The following MGAT4C variants were observed in gnomAD, a reference collection of about 807,000 sequenced individuals.
MGAT4C encodes the protein alpha-1,3-mannosyl-glycoprotein 4-beta-N-acetylglucosaminyltransferase C.
Under a neutral mutation model 40.1 loss-of-function variants are expected in MGAT4C, and 19 were observed. The observed-to-expected ratio is 0.47, with a 90% confidence interval of 0.33 to 0.70. MGAT4C has a LOEUF of 0.70. MGAT4C is among the 30% of genes least tolerant of loss of function. The probability of loss-of-function intolerance (pLI) is 0.02; values close to 1 mark genes in which losing one functional copy is unlikely to be tolerated. For synonymous variants in MGAT4C, 181 were observed against 187.1 expected (o/e 0.97, Z 0.27); for missense variants, 491 against 563.2 (o/e 0.87, Z 1.30).
chr12:86,555,908 C>G (rs1385228043), intron 2 of MGAT4C, among the ~76,000 whole-genome samples: 1 of 152,118 alleles, frequency 6.6e-6, no homozygotes, highest in African/African-American at 2.4e-5. Context: ...TTCATCACCC[C>G]CATGACCTGG....
At chr12:86,053,135 C>G (rs1893050610) in intron 1 of MGAT4C, among the ~76,000 whole-genome samples, 1 of 151,600 alleles carries the variant, frequency 6.6e-6, no homozygotes, top group South Asian at 2.1e-4. Flanking sequence ...CGTGTTCAAT[C>G]TGACTTTTAA....
intron 2 of MGAT4C, among the ~76,000 whole-genome samples, chr12:86,628,967 G>A (rs1593059634): frequency 6.6e-6 from 1 of 151,974 alleles, no homozygotes; most frequent in Middle Eastern, 3.4e-3. Context: ...GATAAAGAGT[G>A]AAGACCCATC....
At chr12:86,596,712 A>T (rs898451316) in intron 2 of MGAT4C, among the ~76,000 whole-genome samples, 2 of 152,152 alleles carry the variant, frequency 1.3e-5, no homozygotes, top group Non-Finnish European at 2.9e-5. Flanking sequence ...GAAGAACAGA[A>T]TATATCTGAG....
intron 1 of MGAT4C, among the ~76,000 whole-genome samples, chr12:86,114,225 C>T (rs1439780624): frequency 2.0e-5 from 3 of 151,774 alleles, no homozygotes; most frequent in Non-Finnish European, 2.9e-5. Context: ...GCTCTGGCTT[C>T]TTCTTTTGGT....
intron 1 of MGAT4C, among the ~76,000 whole-genome samples, chr12:86,206,684 G>C (rs988891303): frequency 6.6e-6 from 1 of 151,218 alleles, no homozygotes; most frequent in African/African-American, 2.4e-5. Flanking sequence ...CAATTCCTTC[G>C]TCCCTCTTTC....
intron 1 of MGAT4C, among the ~76,000 whole-genome samples, chr12:86,190,277 T>TA (rs1392122410): frequency 2.0e-5 from 3 of 152,088 alleles, no homozygotes; most frequent in Non-Finnish European, 2.9e-5. Flanking sequence ...TATTACAGTT[T>TA]AAAAAATCAA....
At chr12:86,494,599 C>A (rs1958204602) in intron 2 of MGAT4C, among the ~76,000 whole-genome samples, 1 of 150,632 alleles carries the variant, frequency 6.6e-6, no homozygotes, top group Non-Finnish European at 1.5e-5. Context: ...ATGCAAGAAA[C>A]CCCACAAACC....
chr12:86,710,943 C>A (rs1950545472), intron 2 of MGAT4C, among the ~76,000 whole-genome samples: 1 of 152,010 alleles, frequency 6.6e-6, no homozygotes, highest in Non-Finnish European at 1.5e-5. Context: ...AACGGAAAAC[C>A]AAATATCATA....
intron 1 of MGAT4C, among the ~76,000 whole-genome samples, chr12:86,730,113 C>T (rs1950884228): frequency 6.6e-6 from 1 of 151,678 alleles, no homozygotes; most frequent in Non-Finnish European, 1.5e-5. Context: ...GCCAAATAGC[C>T]CCAGATTTTC....
rs1315632345 is a variant in MGAT4C at position 86,470,151 on chromosome 12, G to T, written c.-228-34886C>A. 4.6e-5 allele frequency among the ~76,000 whole-genome samples: 7 copies of T among 152,028 alleles called. No individual in the cohort carries two copies. In the South Asian group the frequency reaches 1.2e-3, roughly 27 times the overall value. ...CTAAGTTAAGGTTTAGATACTGCTT[G>T]CTTACAAGCAGAACTCTAATTTTAT... is the stretch of plus-strand genomic sequence containing the variant. On this transcript the variant is annotated intron_variant, in intron 2 of 7. Transcript: ENST00000548651.
At chr12:86,643,929 T>C (rs1245660209) in intron 2 of MGAT4C, among the ~76,000 whole-genome samples, 1 of 151,770 alleles carries the variant, frequency 6.6e-6, no homozygotes, top group Non-Finnish European at 1.5e-5. Context: ...ATTTGTTGTT[T>C]TGTGAATTAA....
intron 1 of MGAT4C, among the ~76,000 whole-genome samples, chr12:86,796,811 A>G (rs566599645): frequency 2.0e-5 from 3 of 151,928 alleles, no homozygotes; most frequent in Non-Finnish European, 4.4e-5. Flanking sequence ...AATGATAACT[A>G]TTTGAGGAAA....
chr12:86,322,738 G>A (rs1373462446), intron 4 of MGAT4C, among the ~76,000 whole-genome samples: 1 of 151,908 alleles, frequency 6.6e-6, no homozygotes, highest in East Asian at 1.9e-4. Flanking sequence ...TTACCTTCTA[G>A]CATTTTTACA....
At chr12:86,765,805 C>A (rs1739768164) in intron 1 of MGAT4C, among the ~76,000 whole-genome samples, 1 of 152,098 alleles carries the variant, frequency 6.6e-6, no homozygotes, top group Admixed American at 6.6e-5. Flanking sequence ...ACTTTACAGA[C>A]AAGCAAATGC....
chr12:86,085,977 T>C (rs1033601607), intron 1 of MGAT4C, among the ~76,000 whole-genome samples: 2 of 152,072 alleles, frequency 1.3e-5, no homozygotes, highest in Non-Finnish European at 2.9e-5. Flanking sequence ...TGGAAGACAG[T>C]GTGGCAATTC....
At chr12:86,459,406 G>A (rs1957558510) in intron 2 of MGAT4C, among the ~76,000 whole-genome samples, 1 of 151,858 alleles carries the variant, frequency 6.6e-6, no homozygotes, top group African/African-American at 2.4e-5. Flanking sequence ...CTGGTCTAAA[G>A]CAGGCATTTG....
chr12:86,673,208 C>T lies in MGAT4C; in HGVS notation c.-229+54001G>A, dbSNP rs746820781. Among the ~76,000 whole-genome samples the T allele has an allele frequency of 2.0e-4, 31 of 152,198 alleles. 1 individual carries two copies. In the Middle Eastern group the frequency reaches 0.02, roughly 100 times the overall value. On this transcript the variant is annotated intron_variant, in intron 2 of 7. Transcript: ENST00000548651. ...TGTCTGGAGACAAATCAGAGTTTTGCTATTTATTACTGTATAATTTTGGGC... is the reference window on the plus strand; with the variant it reads ...TGTCTGGAGACAAATCAGAGTTTTGTTATTTATTACTGTATAATTTTGGGC...
At chr12:86,459,539 G>C (rs1957561707) in intron 2 of MGAT4C, among the ~76,000 whole-genome samples, 1 of 151,920 alleles carries the variant, frequency 6.6e-6, no homozygotes, top group African/African-American at 2.4e-5. Context: ...TCACTCATGC[G>C]GTCATAAGGA....
chr12:86,100,258 TA>T (rs1231103548), intron 1 of MGAT4C, among the ~76,000 whole-genome samples: 2 of 151,492 alleles, frequency 1.3e-5, no homozygotes, highest in African/African-American at 4.8e-5. Flanking sequence ...TTATATTACT[TA>T]TTCACTCTTT....
Sources: allele counts gnomAD v4.1 joint callset (sites outside exome capture counted in the v4.1 genomes callset), GRCh38; gene constraint gnomAD v4.1.1; transcripts MANE v1.5; gene names NCBI Gene and HGNC (gene_info 2026-07-23, HGNC 2026-07-21).